The following RBFOX2 variants were observed in gnomAD, a reference collection of about 807,000 sequenced individuals.
The protein encoded by RBFOX2 is RNA binding protein fox-1 homolog 2.
In RBFOX2, 10 loss-of-function variants were observed where a neutral mutation model predicts 49.1. The observed-to-expected ratio is 0.20, with a 90% confidence interval of 0.13 to 0.35. The LOEUF (loss-of-function observed/expected upper bound fraction) is 0.35. Among genes scored for constraint, RBFOX2 ranks in the 10% least tolerant of loss-of-function variants. RBFOX2 has a pLI of 1.00. For synonymous variants in RBFOX2, 183 were observed against 187.4 expected, an observed-to-expected ratio of 0.98 and a Z score of 0.19; for missense variants, 323 against 486.9, an observed-to-expected ratio of 0.66 and a Z score of 3.17.
At chr22:35,831,789 T>C (rs894490534) in intron 1 of RBFOX2, among the ~76,000 whole-genome samples, 15 of 152,200 alleles carry the variant, frequency 9.9e-5, no homozygotes, top group South Asian at 4.1e-4. Flanking sequence ...TAATTAACAT[T>C]AGGAAAAAAG....
chr22:35,924,901 T>C (rs2051440661), intron 1 of RBFOX2, among the ~76,000 whole-genome samples: 1 of 152,140 alleles, frequency 6.6e-6, no homozygotes, highest in African/African-American at 2.4e-5. Context: ...GGGCTGGGCA[T>C]GGTGGCTCAC....
chr22:36,009,384 T>A (rs2058729235), intron 1 of RBFOX2, among the ~76,000 whole-genome samples: 1 of 151,868 alleles, frequency 6.6e-6, no homozygotes, highest in Admixed American at 6.6e-5. Context: ...AGGGCCTTCC[T>A]TTTTTTTGAG....
At chr22:35,813,851 C>G (rs6000008) in intron 1 of RBFOX2, among the ~76,000 whole-genome samples, 1 of 152,192 alleles carries the variant, frequency 6.6e-6, no homozygotes, top group East Asian at 1.9e-4. Context: ...AGGGATAACA[C>G]AGAGTGAAAC....
intron 1 of RBFOX2, among the ~76,000 whole-genome samples, chr22:35,938,314 G>C (rs1175298577): frequency 6.6e-6 from 1 of 152,172 alleles, no homozygotes; most frequent in Non-Finnish European, 1.5e-5. Flanking sequence ...ATTCTGCTCT[G>C]ACCCATAATA....
At chr22:35,902,356 C>G (rs1056968253) in intron 1 of RBFOX2, among the ~76,000 whole-genome samples, 1 of 152,184 alleles carries the variant, frequency 6.6e-6, no homozygotes, top group African/African-American at 2.4e-5. Context: ...CTCTCCATCA[C>G]TGCCACCTGA....
In RBFOX2 at chr22:35,988,465, G is replaced by A. The variant is rs2057817492; in HGVS notation, c.186+39775C>T. 2.0e-5 allele frequency among the ~76,000 whole-genome samples: 3 copies of A among 152,156 alleles called. No individual in the cohort carries two copies. The South Asian group carries it at 6.2e-4, about 31-fold the overall frequency. ...AAATCCTAAATAGGGAAAAGTACAA[G>A]GTGCTATGAAAGCAGTCAAGAGAGT... On this transcript the variant is annotated intron_variant, in intron 1 of 13. Coordinates refer to the RBFOX2 transcript ENST00000438146.
At chr22:35,894,923 G>C (rs1257892451) in intron 1 of RBFOX2, among the ~76,000 whole-genome samples, 1 of 151,588 alleles carries the variant, frequency 6.6e-6, no homozygotes, top group African/African-American at 2.4e-5. Context: ...AAAACTGGGG[G>C]GCAAGAGTTT....
chr22:36,028,182 G>A (rs2059523532), intron 1 of RBFOX2, 58 bp downstream of exon 1: 28 of 1,397,144 alleles, frequency 2.0e-5, no homozygotes, highest in Non-Finnish European at 2.6e-5. Context: ...CGGGGAGCCC[G>A]GTGTCGACCC....
rs545431796 is a variant in RBFOX2, at chr22:35,764,310, C to A, written c.607+1113G>T. 2.3e-4 allele frequency among the ~76,000 whole-genome samples: 35 copies of A among 152,212 alleles called. No individual in the cohort carries two copies. In the East Asian group the frequency reaches 6.8e-3, roughly 29 times the overall value. ...TTTTTAAAAAAACAGCAGAGCCAGG[C>A]ATGGTGGCTCACGCCTGTAATCCCA... On this transcript the variant is annotated intron_variant, in intron 6 of 11. Transcript: ENST00000405409.
At chr22:35,808,699 A>C (rs1478274502) in intron 2 of RBFOX2, among the ~76,000 whole-genome samples, 4 of 152,098 alleles carry the variant, frequency 2.6e-5, no homozygotes, top group Non-Finnish European at 5.9e-5. Context: ...AAAATTAAAA[A>C]ATGAGCTGGG....
intron 2 of RBFOX2, among the ~76,000 whole-genome samples, chr22:35,801,414 C>G (rs146485109): frequency 1.7e-4 from 25 of 150,310 alleles, no homozygotes; most frequent in Non-Finnish European, 3.5e-4. Flanking sequence ...TTCAAACTCT[C>G]TATATACAAC....
chr22:35,869,661 G>A (rs2044129646), intron 1 of RBFOX2, among the ~76,000 whole-genome samples: 1 of 152,088 alleles, frequency 6.6e-6, no homozygotes, highest in African/African-American at 2.4e-5. Context: ...TCTGGTTCAA[G>A]TCCTCAGGAG....
At chr22:35,819,380 C>A (rs1280951350) in intron 1 of RBFOX2, among the ~76,000 whole-genome samples, 1 of 152,122 alleles carries the variant, frequency 6.6e-6, no homozygotes, top group East Asian at 1.9e-4. Flanking sequence ...TGAGCCATTG[C>A]TCTCACCTAG....
At chr22:35,871,501 G>T (rs1270445576) in intron 1 of RBFOX2, among the ~76,000 whole-genome samples, 1 of 152,192 alleles carries the variant, frequency 6.6e-6, no homozygotes, top group Admixed American at 6.5e-5. Flanking sequence ...ACTGGGAAAA[G>T]ACTTATTATG....
chr22:35,877,671 T>C (rs1603431032), intron 1 of RBFOX2, among the ~76,000 whole-genome samples: 1 of 152,238 alleles, frequency 6.6e-6, no homozygotes, highest in East Asian at 1.9e-4. Flanking sequence ...ACTTATCCAA[T>C]GTCATTCAGA....
At chr22:35,880,664 A>G (rs973589455) in intron 1 of RBFOX2, among the ~76,000 whole-genome samples, 3 of 152,232 alleles carry the variant, frequency 2.0e-5, no homozygotes, top group African/African-American at 7.2e-5. Context: ...TTGTTACTTT[A>G]AAAATAAACT....
chr22:35,817,583 C>T (rs1953413932), intron 1 of RBFOX2, among the ~76,000 whole-genome samples: 1 of 152,098 alleles, frequency 6.6e-6, no homozygotes, highest in Non-Finnish European at 1.5e-5. Flanking sequence ...TAGAGGGTTA[C>T]CTTCTTATAT....
At chr22:35,770,635 T>C (rs1032881114) in intron 4 of RBFOX2, among the ~76,000 whole-genome samples, 3 of 152,168 alleles carry the variant, frequency 2.0e-5, no homozygotes, top group Non-Finnish European at 4.4e-5. Context: ...CTAAAATCCT[T>C]CTATCTTTTT....
chr22:35,944,931 G>A (rs1211936274), intron 1 of RBFOX2, among the ~76,000 whole-genome samples: 1 of 151,880 alleles, frequency 6.6e-6, no homozygotes, highest in Non-Finnish European at 1.5e-5. Context: ...ACAAAAATTA[G>A]CCAGTCTCAA....
Sources: gnomAD v4.1 joint callset for allele counts (sites outside exome capture counted in the v4.1 genomes callset) on GRCh38, gnomAD v4.1.1 for gene constraint, MANE v1.5 for transcripts, NCBI Gene and HGNC (gene_info 2026-07-23, HGNC 2026-07-21) for gene names.